Variants in LYPD6 observed in about 807,000 individuals in gnomAD.
LYPD6 encodes the protein ly6/PLAUR domain-containing protein 6.
Under a neutral mutation model 22.7 loss-of-function variants are expected in LYPD6, and 15 were observed. The observed-to-expected ratio is 0.66, with a 90% CI of 0.44 to 1.02. The LOEUF is 1.02. Among genes scored for constraint, LYPD6 ranks in the 50% least tolerant of loss-of-function variants. LYPD6 has a pLI of 0.00. For synonymous variants in LYPD6, 72 were observed against 77.5 expected (o/e 0.93, Z 0.37); for missense variants, 189 against 208.4 (o/e 0.91, Z 0.57).
At chr2:149,334,693 C>T (rs749559885) in intron 1 of LYPD6, among the ~76,000 whole-genome samples, 1 of 151,234 alleles carries the variant, frequency 6.6e-6, no homozygotes, top group Non-Finnish European at 1.5e-5. Flanking sequence ...AAACCAGACC[C>T]GTGTCCCTGT....
At chr2:149,427,805 T>G (rs933995139) in intron 1 of LYPD6, among the ~76,000 whole-genome samples, 6 of 152,228 alleles carry the variant, frequency 3.9e-5, no homozygotes, top group Non-Finnish European at 5.9e-5. Flanking sequence ...TAACAATGCA[T>G]TTCTCAGAGC....
intron 1 of LYPD6, among the ~76,000 whole-genome samples, chr2:149,356,019 A>G (rs886548748): frequency 6.6e-6 from 1 of 152,056 alleles, no homozygotes; most frequent in Admixed American, 6.6e-5. Flanking sequence ...GAAGAGTTAA[A>G]TAGTCAAAAT....
At chr2:149,395,163 TC>T (rs1682401385) in intron 1 of LYPD6, among the ~76,000 whole-genome samples, 1 of 152,098 alleles carries the variant, frequency 6.6e-6, no homozygotes, top group Admixed American at 6.5e-5. Context: ...TAAGCTGTTC[TC>T]TCCACCATGG....
chr2:149,369,685 C>A (rs1681762248), intron 1 of LYPD6, among the ~76,000 whole-genome samples: 2 of 152,050 alleles, frequency 1.3e-5, no homozygotes, highest in African/African-American at 4.8e-5. Flanking sequence ...AAAAGCCAGA[C>A]AAAGGGAGAG....
chr2:149,445,931 C>A (rs1558810857), intron 2 of LYPD6, among the ~76,000 whole-genome samples: 2 of 152,192 alleles, frequency 1.3e-5, no homozygotes, highest in Admixed American at 6.5e-5. Context: ...TTTCAACATG[C>A]CTTCCTCACC....
At chr2:149,422,511 T>A (rs754735031) in intron 1 of LYPD6, among the ~76,000 whole-genome samples, 1 of 152,170 alleles carries the variant, frequency 6.6e-6, no homozygotes, top group Admixed American at 6.5e-5. Context: ...TGGGTGTGGC[T>A]GCCACACCCA....
chr2:149,413,424 T>C (rs945592128), intron 1 of LYPD6, among the ~76,000 whole-genome samples: 6 of 152,150 alleles, frequency 3.9e-5, no homozygotes, highest in African/African-American at 1.4e-4. Context: ...AGAGAGAGAT[T>C]AGAAAAAAGA....
At chr2:149,404,074 T>C (rs2105112560) in intron 1 of LYPD6, among the ~76,000 whole-genome samples, 1 of 152,322 alleles carries the variant, frequency 6.6e-6, no homozygotes, top group African/African-American at 2.4e-5. Context: ...AAGGCTCTGT[T>C]CTGTTCCATT....
chr2:149,421,260 C>G (rs1683072168), intron 1 of LYPD6, among the ~76,000 whole-genome samples: 1 of 151,958 alleles, frequency 6.6e-6, no homozygotes, highest in African/African-American at 2.4e-5. Flanking sequence ...CCTGGTGGCG[C>G]ATGCCTGTAA....
intron 1 of LYPD6, among the ~76,000 whole-genome samples, chr2:149,401,125 G>T (rs1459198315): frequency 6.6e-6 from 1 of 152,126 alleles, no homozygotes; most frequent in Non-Finnish European, 1.5e-5. Flanking sequence ...CATTGATCAG[G>T]AATGCACCAT....
At chr2:149,462,281 TATATACCATTTAAAA>T (rs1252538630) in intron 3 of LYPD6, among the ~76,000 whole-genome samples, 4 of 152,108 alleles carry the variant, frequency 2.6e-5, no homozygotes, top group Middle Eastern at 3.4e-3. Flanking sequence ...ATCCCATTTA[TATATACCATTTAAAA>T]ATATACCATT....
chr2:149,468,620 T>C (rs757586050), intron 3 of LYPD6, 25 bp from the exon 4 acceptor site: 2 of 1,606,610 alleles, frequency 1.2e-6, no homozygotes, highest in Admixed American at 1.7e-5. Flanking sequence ...ATTTCCCATC[T>C]CAAATATATT....
chr2:149,475,063 G>A (rs150183159), downstream of LYPD6, among the ~76,000 whole-genome samples: 47 of 152,282 alleles, frequency 3.1e-4, no homozygotes, highest in African/African-American at 9.4e-4. Flanking sequence ...CTTTATAAAT[G>A]TATTTCATAT....
intron 3 of LYPD6, among the ~76,000 whole-genome samples, chr2:149,459,956 G>C (rs1681050721): frequency 6.6e-6 from 1 of 151,760 alleles, no homozygotes; most frequent in Admixed American, 6.6e-5. Context: ...CATAAAAAGA[G>C]GTAAGTTTTG....
At chr2:149,357,785 C>CTTT (rs530498136) in intron 1 of LYPD6, among the ~76,000 whole-genome samples, 3 of 127,426 alleles carry the variant, frequency 2.4e-5, no homozygotes, top group African/African-American at 8.4e-5. Flanking sequence ...CTTTTCTTTG[C>CTTT]TTTTTTTTTT....
intron 1 of LYPD6, among the ~76,000 whole-genome samples, chr2:149,333,869 A>G (rs1680984298): frequency 6.6e-6 from 1 of 152,230 alleles, no homozygotes; most frequent in South Asian, 2.1e-4. Flanking sequence ...ATGTGTTTCA[A>G]TTCAATTAAG....
intron 1 of LYPD6, among the ~76,000 whole-genome samples, chr2:149,430,378 G>A (rs1020485916): frequency 9.2e-5 from 14 of 152,164 alleles, no homozygotes; most frequent in African/African-American, 3.4e-4. Flanking sequence ...GGGATTACAG[G>A]CGTGAGCTGC....
intron 1 of LYPD6, among the ~76,000 whole-genome samples, chr2:149,373,821 A>T (rs1274177583): frequency 6.6e-6 from 1 of 152,200 alleles, no homozygotes; most frequent in African/African-American, 2.4e-5. Context: ...GTAACATTTA[A>T]TTGTATAAGC....
chr2:149,349,382 C>T (rs1324857243), intron 1 of LYPD6, among the ~76,000 whole-genome samples: 5 of 152,078 alleles, frequency 3.3e-5, no homozygotes, highest in Non-Finnish European at 7.4e-5. Flanking sequence ...AAGCAACTTT[C>T]ATGAAAAGTG....
Sources: allele counts gnomAD v4.1 joint callset (sites outside exome capture counted in the v4.1 genomes callset), GRCh38; gene constraint gnomAD v4.1.1; transcripts MANE v1.5; gene names NCBI Gene and HGNC (gene_info 2026-07-23, HGNC 2026-07-21).